The following BSN variants were observed in gnomAD, a reference collection of about 807,000 sequenced individuals.
BSN encodes the protein protein bassoon.
A neutral mutation model predicts 264.8 loss-of-function variants in BSN; 57 were observed. The observed-to-expected ratio is 0.22, with a 90% CI of 0.17 to 0.27. BSN has a LOEUF of 0.27. BSN is among the 10% of genes least tolerant of loss of function. BSN has a pLI of 1.00. For synonymous variants in BSN, 2,059 were observed against 2,137.3 expected (o/e 0.96, Z 1.01); for missense variants, 4,615 against 5,232.5 (o/e 0.88, Z 3.64).
At chr3:49,636,900 T>C (rs1449408214) in intron 2 of BSN, among the ~76,000 whole-genome samples, 2 of 152,232 alleles carry the variant, frequency 1.3e-5, no homozygotes. Flanking sequence ...TTAGCTGCCC[T>C]TCTGCACATC....
chr3:49,664,647 G>A, intron 9 of BSN, 93 bp downstream of exon 9: 2 of 1,547,518 alleles, frequency 1.3e-6, no homozygotes, highest in Non-Finnish European at 1.7e-6. Context: ...CCCAGGCAGA[G>A]GCCAGCCAGA....
intron 2 of BSN, among the ~76,000 whole-genome samples, chr3:49,629,988 C>T (rs1215717754): frequency 6.6e-6 from 1 of 152,208 alleles, no homozygotes. Flanking sequence ...CCAGGGTGGG[C>T]GGCGTGGAGA....
intron 1 of BSN, among the ~76,000 whole-genome samples, chr3:49,574,040 C>T (rs913009777): frequency 1.3e-5 from 2 of 152,128 alleles, no homozygotes; most frequent in East Asian, 3.9e-4. Context: ...GCCTCAGCCT[C>T]CCGGGCTCAA....
chr3:49,608,058 G>A (rs902285957), intron 1 of BSN, among the ~76,000 whole-genome samples: 3 of 152,230 alleles, frequency 2.0e-5, no homozygotes, highest in East Asian at 1.9e-4. Context: ...CTCTCACTGG[G>A]TGGTCTCTGC....
At chr3:49,608,169 G>C (rs2052173725) in intron 1 of BSN, among the ~76,000 whole-genome samples, 1 of 152,232 alleles carries the variant, frequency 6.6e-6, no homozygotes, top group Non-Finnish European at 1.5e-5. Flanking sequence ...CGGGCTGAGA[G>C]AGAAGGAAAG....
chr3:49,609,148 G>A (rs936785564), intron 1 of BSN, among the ~76,000 whole-genome samples: 59 of 130,858 alleles, frequency 4.5e-4, no homozygotes, highest in African/African-American at 1.7e-3. Context: ...AGACTGGATT[G>A]CAGAGCACAG....
intron 2 of BSN, among the ~76,000 whole-genome samples, chr3:49,640,998 A>T (rs1406861044): frequency 1.4e-5 from 2 of 144,748 alleles, no homozygotes; most frequent in Non-Finnish European, 3.0e-5. Context: ...CCAAGGGGAG[A>T]TGGCAGGAAA....
chr3:49,653,627 C>T lies in BSN; in HGVS notation c.4071C>T (p.His1357=), dbSNP rs201985091. Residue 1357 remains histidine (H), a synonymous_variant, in exon 5 of 12, where the codon CAC becomes CAT. Transcript: ENST00000296452. This position sits in a 1 kb window ranked among gnomAD's most constrained non-coding sequence, Gnocchi z 6.3. ...AGACTCAGGACCCCCTCAAGCTGCA[C>T]AGCTCTCCTGCCTCCCCCAGCTCAG... The part of the protein sequence containing the change: ...AKETQDPLKL[H]SSPASPSSAS... 15 of 1,613,798 alleles carry T rather than the reference C, an allele frequency of 9.3e-6. No individual in the cohort carries two copies. In the East Asian group the frequency reaches 3.3e-4, roughly 36 times the overall value.
At chr3:49,559,303 A>G (rs754336727) in intron 1 of BSN, among the ~76,000 whole-genome samples, 1 of 152,180 alleles carries the variant, frequency 6.6e-6, no homozygotes, top group Non-Finnish European at 1.5e-5. Flanking sequence ...AAATGGTCTA[A>G]TGAACTTTTG....
chr3:49,562,853 G>A (rs2051724786), intron 1 of BSN, among the ~76,000 whole-genome samples: 1 of 152,172 alleles, frequency 6.6e-6, no homozygotes, highest in Non-Finnish European at 1.5e-5. Context: ...CATGCTGGCT[G>A]GGGGTCAGAA....
At chr3:49,584,668 A>T (rs1240362366) in intron 1 of BSN, among the ~76,000 whole-genome samples, 1 of 152,182 alleles carries the variant, frequency 6.6e-6, no homozygotes, top group African/African-American at 2.4e-5. Context: ...AAAATATACA[A>T]TTAAGTTATT....
At position 49,641,304 on chromosome 3, in the gene BSN, G is replaced by A. The variant is rs138123267; in HGVS notation, c.634-964G>A. The stretch of plus-strand genomic sequence containing the variant: ...CATCATTCTTAGCATCTCTCTGTAT[G>A]TTGGGAAAGAAGACTACTGCTGCTG... On this transcript the variant is annotated intron_variant, in intron 2 of 11. Transcript: ENST00000296452. Among the ~76,000 whole-genome samples, 5 of 152,330 alleles carry A rather than the reference G, an allele frequency of 3.3e-5. No homozygotes were observed. In the East Asian group the frequency reaches 9.6e-4, roughly 29 times the overall value.
chr3:49,606,182 T>TATATTATATATAC (rs1327293912), intron 1 of BSN, among the ~76,000 whole-genome samples: 9 of 4,550 alleles, frequency 2.0e-3, no homozygotes, highest in African/African-American at 4.1e-3. Flanking sequence ...TATATATGTA[T>TATATTATATATAC]ATATATTATA....
chr3:49,585,563 G>A lies in BSN; in HGVS notation c.224+30737G>A, dbSNP rs543806347. Among the ~76,000 whole-genome samples, 4 of 152,320 alleles carry A rather than the reference G, an allele frequency of 2.6e-5. No individual in the cohort carries two copies. Among genetic ancestry groups the A allele is most frequent in the African/African-American group, 7.2e-5 (3 of 41,580 alleles). On this transcript the variant is annotated intron_variant, in intron 1 of 11. Transcript: ENST00000296452. The surrounding 1 kb of genome is among the most constrained non-coding windows in gnomAD (Gnocchi z 4.7). ...CCTTGCCTCCTCCACCCGGTCCGCC[G>A]CCGGTTTCCTTGGAAGTTAAATCTT...
rs184347071 is a variant in BSN at position 49,583,035 on chromosome 3, C to T, written c.224+28209C>T. On this transcript the variant is annotated intron_variant, in intron 1 of 11. Coordinates refer to ENST00000296452, the MANE Select transcript of BSN (RefSeq NM_003458.4). ...CAAGGCTGGAGTGCAGTGGTGCAATCTTGGCCCACTGCAGCCTCTGCCTCC... is the reference window on the plus strand; with the variant it reads ...CAAGGCTGGAGTGCAGTGGTGCAATTTTGGCCCACTGCAGCCTCTGCCTCC... 2.6e-4 allele frequency among the ~76,000 whole-genome samples: 39 copies of T among 152,016 alleles called. 1 individual carries two copies. The highest frequency in any genetic ancestry group is 7.2e-4 in the African/African-American group (30 of 41,476).
rs754004033 is a variant in BSN, at chr3:49,661,689, T to C, written c.9844T>C (p.Cys3282Arg). 1 of 1,613,744 alleles carries C rather than the reference T, an allele frequency of 6.2e-7. No homozygotes were observed. The highest frequency in any genetic ancestry group is 8.5e-7 in the Non-Finnish European group (1 of 1,180,034). Reference protein sequence around the residue: ...PGVLDGPTLPCCYARGEEESE... With the variant: ...PGVLDGPTLPRCYARGEEESE... ...TGTCCTTGACGGGCCCACACTGCCC[T>C]GCTGCTATGCCAGAGGAGAAGAGGA... Residue 3282 changes from cysteine (C) to arginine (R), a missense_variant, in exon 6 of 12, where the codon TGC becomes CGC. This residue lies in a region of BSN where 3,415 missense variants were observed against 3,866.4 expected (regional missense o/e 0.88). Transcript: ENST00000296452.
intron 1 of BSN, among the ~76,000 whole-genome samples, chr3:49,609,340 C>T (rs9990421): frequency 0.015 from 2,305 of 151,474 alleles, 77 homozygotes; most frequent in African/African-American, 0.052. Context: ...TAGGCACAAG[C>T]GATCCTCCCA....
intron 1 of BSN, among the ~76,000 whole-genome samples, chr3:49,594,236 G>A (rs145880552): frequency 6.6e-6 from 1 of 152,264 alleles, no homozygotes; most frequent in East Asian, 1.9e-4. Context: ...AGTCTTTCCT[G>A]TAATGGCTTA....
chr3:49,613,363 A>G (rs1370081100), intron 1 of BSN, among the ~76,000 whole-genome samples: 1 of 144,982 alleles, frequency 6.9e-6, no homozygotes, highest in African/African-American at 2.5e-5. Context: ...GCTGGCCCAG[A>G]GCTCTCCACA....
Sources: gnomAD v4.1 joint callset for allele counts (sites outside exome capture counted in the v4.1 genomes callset) on GRCh38, gnomAD v4.1.1 for gene constraint, gnomAD v4.1.1 regional missense constraint, Gnocchi (gnomAD v3.1) non-coding constraint, MANE v1.5 for transcripts, NCBI Gene and HGNC (gene_info 2026-07-23, HGNC 2026-07-21) for gene names.